SMARCC2: variants seen among roughly 807,000 people sequenced by gnomAD.
SMARCC2 encodes SWI/SNF complex subunit SMARCC2.
In SMARCC2, 15 loss-of-function variants were observed where a neutral mutation model predicts 151.3. The ratio of observed to expected loss-of-function variants is 0.10; its 90% CI spans 0.07 to 0.15. SMARCC2 has a LOEUF of 0.15. Among genes scored for constraint, SMARCC2 ranks in the 10% least tolerant of loss-of-function variants. The pLI is 1.00. For synonymous variants in SMARCC2, 590 were observed against 609.5 expected (o/e 0.97, Z 0.47); for missense variants, 1,031 against 1,599.7 (o/e 0.64, Z 6.06).
intron 1 of SMARCC2, 115 bp from the exon 2 acceptor site, chr12:56,187,421 T>C: frequency 2.1e-6 from 2 of 960,038 alleles, no homozygotes; most frequent in Admixed American, 2.2e-5. Flanking sequence ...AATAGTGCCC[T>C]TCTCCCCATT....
chr12:56,186,349 C>CTTT (rs371880557), intron 2 of SMARCC2, 109 bp from the exon 3 acceptor site: 239 of 536,472 alleles, frequency 4.5e-4, no homozygotes, highest in East Asian at 6.1e-4. Flanking sequence ...ATTGATCTCC[C>CTTT]TTTTTTTTTT....
Position 56,184,781 on chromosome 12 carries a change from T to C in SMARCC2, c.492+63A>G, listed in dbSNP as rs965386134. On this transcript the variant is annotated intron_variant, in intron 5 of 28. Coordinates refer to ENST00000550164, the MANE Select transcript of SMARCC2 (RefSeq NM_001330288.2). ...ATGGTAATTCAGGGCTGCTGCTTGG[T>C]ATAGAAAACACTGGGAAAACAGTCA... 6.1e-6 allele frequency: 6 copies of C among 984,538 alleles called. No individual in the cohort carries two copies. The African/African-American group carries it at 9.6e-5, about 16-fold the overall frequency. The allele number at this position is 984,538 out of a possible 1,614,324, so 61.0% of individuals were successfully genotyped here. A position where few individuals can be genotyped will look rare whatever the true frequency, so the allele number is the denominator to read the frequency against.
intron 15 of SMARCC2, among the ~76,000 whole-genome samples, chr12:56,175,873 T>TC (rs1480336507): frequency 4.6e-5 from 7 of 152,154 alleles, no homozygotes; most frequent in African/African-American, 1.7e-4. Context: ...TTTTTTTTTT[T>TC]CTGAGATGGA....
chr12:56,181,930 C>G, intron 8 of SMARCC2, 74 bp downstream of exon 8: 1 of 1,587,442 alleles, frequency 6.3e-7, no homozygotes, highest in Non-Finnish European at 8.6e-7. Flanking sequence ...GCATACAAGC[C>G]TCTGTTTCAC....
At chr12:56,174,943 T>C (rs1016447003) in intron 15 of SMARCC2, among the ~76,000 whole-genome samples, 179 bp from the exon 16 acceptor site, 2 of 152,198 alleles carry the variant, frequency 1.3e-5, no homozygotes, top group African/African-American at 2.4e-5. Context: ...GTTTCAAATA[T>C]GTCTTACTTT....
intron 3 of SMARCC2, chr12:56,185,947 C>A: frequency 3.6e-6 from 2 of 561,560 alleles, no homozygotes; most frequent in Non-Finnish European, 3.1e-6. Flanking sequence ...TTTTCCTCTA[C>A]AAAACACACA....
At chr12:56,184,403 C>T (rs1876841334) in intron 5 of SMARCC2, 159 bp from the exon 6 acceptor site, 1 of 604,046 alleles carries the variant, frequency 1.7e-6, no homozygotes, top group African/African-American at 1.9e-5. Context: ...AGGGAAACAG[C>T]TGGGATTGTG....
rs1876731709 is a variant in SMARCC2, at chr12:56,183,870, T to C, written c.623A>G (p.Tyr208Cys). The C allele has an allele frequency of 6.2e-7, 1 of 1,613,030 alleles. No homozygotes were observed. Among genetic ancestry groups the C allele is most frequent in the African/African-American group, 1.3e-5 (1 of 74,902 alleles). Residue 208 changes from tyrosine to cysteine, a missense_variant, in exon 7 of 29, where the codon TAT (tyrosine) becomes TGT (cysteine). Around this residue, in one of 12 missense-constraint regions of SMARCC2, gnomAD observed 123 missense variants for 190.4 expected, o/e 0.65. Coordinates refer to ENST00000550164, the MANE Select transcript of SMARCC2 (RefSeq NM_001330288.2). ...AGGAACCCATCCTCACCTGTCAGGATAGTAGCCCCAGTGCAGAAGAACCTG... is the reference window on the plus strand; with the variant it reads ...AGGAACCCATCCTCACCTGTCAGGACAGTAGCCCCAGTGCAGAAGAACCTG... ...DKQVLLHWGY[Y>C]PDSYDTWIPA...
chr12:56,175,693 A>C (rs1005065782), intron 15 of SMARCC2, among the ~76,000 whole-genome samples: 6 of 152,132 alleles, frequency 3.9e-5, no homozygotes, highest in African/African-American at 1.4e-4. Context: ...TAGCTCTGTG[A>C]CTTTATGCAG....
At chr12:56,178,617 T>C (rs1456010235) in intron 13 of SMARCC2, 83 bp from the exon 14 acceptor site, 1 of 1,592,826 alleles carries the variant, frequency 6.3e-7, no homozygotes, top group Non-Finnish European at 8.6e-7. Flanking sequence ...CCCAGGAATG[T>C]GGACACTAAA....
rs979393744 is a variant in SMARCC2 at position 56,183,761 on chromosome 12, A to G, written c.632+100T>C. 5 of 745,266 alleles carry G rather than the reference A, an allele frequency of 6.7e-6. No individual in the cohort carries two copies. In the African/African-American group the frequency reaches 8.8e-5, roughly 13 times the overall value. The allele number at this position is 745,266 out of a possible 1,614,324, so 46.2% of individuals were successfully genotyped here. ...GAGAGGAAAACAAATTAAGTGATCT[A>G]AAAATAACTCTGAAAGAGTGGCCTC... On this transcript the variant is annotated intron_variant, in intron 7 of 28. Coordinates refer to ENST00000550164, the MANE Select transcript of SMARCC2 (RefSeq NM_001330288.2).
At position 56,171,457 on chromosome 12, in the gene SMARCC2, C is replaced by A. The variant is rs758737878; in HGVS notation, c.2186-25G>T. On this transcript the variant is annotated intron_variant, in intron 21 of 28. Transcript: ENST00000550164. The surrounding 1 kb of genome is among the most constrained non-coding windows in gnomAD (Gnocchi z 4.2). ...TCTGCAAGACCCAGAAAGAATGAGG[C>A]TGGGAGCGGCACAGTGGAACAGTTC... 2.6e-5 allele frequency: 42 copies of A among 1,614,110 alleles called. No homozygotes were observed. Among genetic ancestry groups the A allele is most frequent in the Non-Finnish European group, 3.6e-5 (42 of 1,179,938 alleles).
intron 17 of SMARCC2, 151 bp from the exon 18 acceptor site, chr12:56,173,180 TC>T (rs1874281518): frequency 1.5e-6 from 1 of 651,986 alleles, no homozygotes; most frequent in Non-Finnish European, 2.7e-6. Flanking sequence ...ATAAGACATG[TC>T]GTTGGCATGA....
chr12:56,178,276 A>G, intron 14 of SMARCC2, 128 bp downstream of exon 14: 1 of 1,136,966 alleles, frequency 8.8e-7, no homozygotes, highest in Non-Finnish European at 1.3e-6. Context: ...CCCTAAAACT[A>G]AAGTGTACTC....
chr12:56,181,961 C>T, intron 8 of SMARCC2, 43 bp downstream of exon 8: 1 of 1,583,430 alleles, frequency 6.3e-7, no homozygotes, highest in Non-Finnish European at 8.7e-7. Context: ...TAGACTGTTC[C>T]TGGCATTCTT....
chr12:56,164,223 C>T lies in SMARCC2; in HGVS notation c.3661+80G>A, dbSNP rs1872335415. 29 of 1,308,664 alleles carry T rather than the reference C, an allele frequency of 2.2e-5. No individual in the cohort carries two copies. The South Asian group carries it at 3.0e-4, about 14-fold the overall frequency. 81.1% of individuals were successfully genotyped at this position (1,308,664 alleles called of 1,614,324 possible). A position where few individuals can be genotyped will look rare whatever the true frequency, so the allele number is the denominator to read the frequency against. On this transcript the variant is annotated intron_variant, in intron 28 of 28. Coordinates refer to ENST00000550164, the MANE Select transcript of SMARCC2 (RefSeq NM_001330288.2). Reference sequence around the variant, plus strand: ...GATTGTGGAAACTCTAATACCTGACCTCTTCCCCACCTGCCCGCTCACCCT... The same window carrying T: ...GATTGTGGAAACTCTAATACCTGACTTCTTCCCCACCTGCCCGCTCACCCT...
At chr12:56,182,582 C>CA (rs1876441985) in intron 7 of SMARCC2, among the ~76,000 whole-genome samples, 2 of 151,530 alleles carry the variant, frequency 1.3e-5, no homozygotes, top group Admixed American at 1.3e-4. Context: ...CTCGGCCTCT[C>CA]AAAGTGCTGG....
At chr12:56,167,952 AC>A in intron 26 of SMARCC2, 107 bp downstream of exon 26, 2 of 59,810 alleles carry the variant, frequency 3.3e-5, no homozygotes, top group Non-Finnish European at 2.9e-5. Flanking sequence ...TTTCACTGAA[AC>A]ACACACACAC....
In SMARCC2 at chr12:56,167,911, C is replaced by T. The variant is rs1873116449; in HGVS notation, c.2850+149G>A. 7 of 892,736 alleles carry T rather than the reference C, an allele frequency of 7.8e-6. No homozygotes were observed. The East Asian group carries it at 1.0e-4, about 13-fold the overall frequency. 55.3% of individuals were successfully genotyped at this position (892,736 alleles called of 1,614,324 possible). A position where few individuals can be genotyped will look rare whatever the true frequency, so the allele number is the denominator to read the frequency against. Reference sequence around the variant, plus strand: ...TGAAACACACACACACACACACACACTCAGGCTTTCCCCACTGTTGCTTAT... The same window carrying T: ...TGAAACACACACACACACACACACATTCAGGCTTTCCCCACTGTTGCTTAT... On this transcript the variant is annotated intron_variant, in intron 26 of 28. Coordinates refer to ENST00000550164, the MANE Select transcript of SMARCC2 (RefSeq NM_001330288.2).
Sources: gnomAD v4.1 joint callset for allele counts (sites outside exome capture counted in the v4.1 genomes callset) on GRCh38, gnomAD v4.1.1 for gene constraint, gnomAD v4.1.1 regional missense constraint, Gnocchi (gnomAD v3.1) non-coding constraint, MANE v1.5 for transcripts, NCBI Gene and HGNC (gene_info 2026-07-23, HGNC 2026-07-21) for gene names.